The following SH2B3 variants were observed in gnomAD, a reference collection of about 807,000 sequenced individuals.
The protein encoded by SH2B3 is SH2B adaptor protein 3, also known as SH2B adapter protein 3.
Under a neutral mutation model 51.9 loss-of-function variants are expected in SH2B3, and 43 were observed. The observed-to-expected ratio is 0.83, with a 90% CI of 0.65 to 1.07. The LOEUF (loss-of-function observed/expected upper bound fraction) is 1.07, where lower values mean the gene tolerates loss of function less well. Among genes scored for constraint, SH2B3 ranks in the 50% least tolerant of loss-of-function variants. The probability of loss-of-function intolerance (pLI) is 0.00; values close to 1 mark genes in which losing one functional copy is unlikely to be tolerated. For missense variants in SH2B3, 952 were observed against 834.3 expected, an observed-to-expected ratio of 1.14 and a Z score of -1.74; for synonymous variants, 396 against 376.0, an observed-to-expected ratio of 1.05 and a Z score of -0.62.
At position 111,449,875 on chromosome 12, in the gene SH2B3, C is replaced by T. The variant is rs1399940900; in HGVS notation, c.*1573C>T. ...GCTCCAAGAGGTCAAATTTTTGCTT[C>T]TAGAATTTCCTTGGGGTCTTTCAGA... is the stretch of plus-strand genomic sequence containing the variant. On this transcript the variant is annotated 3_prime_UTR_variant, in exon 8 of 8. Coordinates refer to ENST00000341259, the MANE Select transcript of SH2B3 (RefSeq NM_005475.3). 6.6e-6 allele frequency: 1 copy of T among 151,916 alleles called. No individual in the cohort carries two copies. Among genetic ancestry groups the T allele is most frequent in the Non-Finnish European group, 1.5e-5 (1 of 68,006 alleles). 9.4% of individuals were successfully genotyped at this position (151,916 alleles called of 1,614,324 possible).
At chr12:111,431,629 T>A (rs766193918) in intron 2 of SH2B3, among the ~76,000 whole-genome samples, 2 of 152,284 alleles carry the variant, frequency 1.3e-5, no homozygotes, top group Non-Finnish European at 2.9e-5. Context: ...TCCCCCAGAC[T>A]AGAGAGCAGT....
intron 1 of SH2B3, among the ~76,000 whole-genome samples, chr12:111,415,735 C>A (rs1260399583): frequency 6.6e-6 from 1 of 150,804 alleles, no homozygotes; most frequent in Non-Finnish European, 1.5e-5. Context: ...GATTCTCCTG[C>A]CTCACCCTCC....
At chr12:111,411,215 A>C (rs922750382) in intron 1 of SH2B3, among the ~76,000 whole-genome samples, 1 of 151,696 alleles carries the variant, frequency 6.6e-6, no homozygotes, top group Non-Finnish European at 1.5e-5. Context: ...AAAAAAAAAA[A>C]AAAAAACTGG....
rs960073074 is a variant in SH2B3 at position 111,451,289 on chromosome 12, C to G, written c.*2987C>G. 1 of 152,642 alleles carries G rather than the reference C, an allele frequency of 6.6e-6. No homozygotes were observed. The highest frequency in any genetic ancestry group is 2.4e-5 in the African/African-American group (1 of 41,462). 9.5% of individuals were successfully genotyped at this position (152,642 alleles called of 1,614,324 possible). Reference sequence around the variant, plus strand: ...CTTAACCTAAAGTCAAGGCCTTGGACTCTTCCCTGAGGGTTGCCTGAGATT... The same window carrying G: ...CTTAACCTAAAGTCAAGGCCTTGGAGTCTTCCCTGAGGGTTGCCTGAGATT... On this transcript the variant is annotated 3_prime_UTR_variant, in exon 8 of 8. Coordinates refer to ENST00000341259, the MANE Select transcript of SH2B3 (RefSeq NM_005475.3).
rs1233507017 is a variant in SH2B3 at position 111,429,048 on chromosome 12, AGAGGAG to A, written c.732+10188_732+10193del. On this transcript the variant is annotated intron_variant, in intron 2 of 7. Coordinates refer to ENST00000341259, the MANE Select transcript of SH2B3 (RefSeq NM_005475.3). The surrounding 1 kb of genome is among the most constrained non-coding windows in gnomAD (Gnocchi z 4.4). Reference sequence around the variant, plus strand: ...AGGAGGAGGAGGAGGAGGAGGAGGAAGAGGAGGAGGAGGAGGAGGAGGGACGGCAGG... The same window carrying A: ...AGGAGGAGGAGGAGGAGGAGGAGGAAGAGGAGGAGGAGGAGGGACGGCAGG... Among the ~76,000 whole-genome samples the A allele has an allele frequency of 2.3e-4, 29 of 125,198 alleles. No homozygotes were observed. The highest frequency in any genetic ancestry group is 4.9e-4 in the East Asian group (2 of 4,106). 82.1% of individuals were successfully genotyped at this position (125,198 alleles called of 152,430 possible). A position where few individuals can be genotyped will look rare whatever the true frequency, so the allele number is the denominator to read the frequency against.
Position 111,448,059 on chromosome 12 carries a change from G to T in SH2B3, c.1485G>T (p.Glu495Asp). 6.2e-7 allele frequency: 1 copy of T among 1,614,040 alleles called. No individual in the cohort carries two copies. The change falls in exon 8 of 8, where the codon GAG (glutamate) becomes GAT (aspartate). Residue 495 changes from glutamate (E) to aspartate (D), a missense_variant. Physicochemically the swap from Glu to Asp is conservative, Grantham distance 45. Transcript: ENST00000341259. Reference protein sequence around the residue: ...DSESLPHWGSELGLPHLSSSG... With the variant: ...DSESLPHWGSDLGLPHLSSSG... ...AGTCCCTTCCTCACTGGGGTTCAGA[G>T]TTGGGCCTTCCCCACCTTAGTTCTT...
At position 111,435,074 on chromosome 12, in the gene SH2B3, G is replaced by C; in HGVS notation, c.733-11679G>C. 6.8e-7 allele frequency: 1 copy of C among 1,461,248 alleles called. No individual in the cohort carries two copies. The highest frequency in any genetic ancestry group is 9.2e-7 in the Non-Finnish European group (1 of 1,081,122). 90.5% of individuals were successfully genotyped at this position (1,461,248 alleles called of 1,614,324 possible). ...CTGGGGCTTTGGGGATCTTGGTGGT[G>C]ATGAGTCCCCTCTCCTCTGGTGCAC... is the stretch of plus-strand genomic sequence containing the variant. On this transcript the variant is annotated intron_variant, in intron 2 of 7. Transcript: ENST00000341259. This position sits in a 1 kb window ranked among gnomAD's most constrained non-coding sequence, Gnocchi z 4.8.
In SH2B3 at chr12:111,447,491, G is replaced by A. The variant is rs148636776; in HGVS notation, c.1183G>A (p.Glu395Lys). Residue 395 changes from glutamate to lysine, a missense_variant, in exon 6 of 8, where the codon GAG (glutamate) becomes AAG (lysine). Transcript: ENST00000341259. ...TGGAGTGTTCCTGGTGCGGCAGAGCGAGACGCGGCGTGGGGAATACGTGCT... is the reference window on the plus strand; with the variant it reads ...TGGAGTGTTCCTGGTGCGGCAGAGCAAGACGCGGCGTGGGGAATACGTGCT... ...AHGVFLVRQS[E>K]TRRGEYVLTF... 562 of 1,609,668 alleles carry A rather than the reference G, an allele frequency of 3.5e-4. No individual in the cohort carries two copies. Among genetic ancestry groups the A allele is most frequent in the Non-Finnish European group, 4.5e-4 (535 of 1,179,640 alleles).
chr12:111,414,270 G>A (rs1396325887), intron 1 of SH2B3, among the ~76,000 whole-genome samples: 3 of 152,138 alleles, frequency 2.0e-5, no homozygotes, highest in Non-Finnish European at 4.4e-5. Context: ...TACTGTGTGC[G>A]GGTCCCAAGG....
chr12:111,411,787 G>T (rs1373062143), intron 1 of SH2B3, among the ~76,000 whole-genome samples: 1 of 152,170 alleles, frequency 6.6e-6, no homozygotes, highest in Non-Finnish European at 1.5e-5. Context: ...TGTATTTGCT[G>T]CAGGGAGGGA....
intron 2 of SH2B3, among the ~76,000 whole-genome samples, chr12:111,445,862 A>C (rs1167598992): frequency 6.6e-6 from 1 of 152,242 alleles, no homozygotes; most frequent in African/African-American, 2.4e-5. Flanking sequence ...GGTCAATTCA[A>C]CAGCACTAGC....
chr12:111,431,754 G>T (rs542698844), intron 2 of SH2B3, among the ~76,000 whole-genome samples: 1 of 152,204 alleles, frequency 6.6e-6, no homozygotes, highest in South Asian at 2.1e-4. Flanking sequence ...GACATTAGCA[G>T]GACACCATGC....
rs1870286789 is a variant in SH2B3 at position 111,406,821 on chromosome 12, C to G, written c.-28+544C>G. ...CCAGTTCCTGCACTGCCGAGGTCGA[C>G]CGGGCCAGGCCCCCGCATGCTGCTG... On this transcript the variant is annotated intron_variant, in intron 1 of 7. Coordinates refer to ENST00000341259, the MANE Select transcript of SH2B3 (RefSeq NM_005475.3). The surrounding 1 kb of genome is among the most constrained non-coding windows in gnomAD (Gnocchi z 5.7). Among the ~76,000 whole-genome samples the G allele has an allele frequency of 6.6e-6, 1 of 152,208 alleles. No individual in the cohort carries two copies. Among genetic ancestry groups the G allele is most frequent in the African/African-American group, 2.4e-5 (1 of 41,448 alleles).
intron 7 of SH2B3, 75 bp downstream of exon 7, chr12:111,447,902 G>T: frequency 6.4e-7 from 1 of 1,559,012 alleles, no homozygotes; most frequent in South Asian, 1.2e-5. Context: ...GCAGACCCAG[G>T]GGTACAGGTA....
At position 111,435,083 on chromosome 12, in the gene SH2B3, CCT is replaced by C; in HGVS notation, c.733-11666_733-11665del. Reference sequence around the variant, plus strand: ...TGGGGATCTTGGTGGTGATGAGTCCCCTCTCCTCTGGTGCACTCTCCCCACCC... The same window carrying C: ...TGGGGATCTTGGTGGTGATGAGTCCCCTCCTCTGGTGCACTCTCCCCACCC... On this transcript the variant is annotated intron_variant, in intron 2 of 7. Transcript: ENST00000341259. The surrounding 1 kb of genome is among the most constrained non-coding windows in gnomAD (Gnocchi z 4.8). 7.1e-7 allele frequency: 1 copy of C among 1,402,430 alleles called. No homozygotes were observed. The highest frequency in any genetic ancestry group is 1.2e-5 in the South Asian group (1 of 80,986). The allele number at this position is 1,402,430 out of a possible 1,614,324, so 86.9% of individuals were successfully genotyped here.
rs74865268 is a variant in SH2B3 at position 111,447,034 on chromosome 12, G to A, written c.926+1G>A. On this transcript the variant is annotated splice_donor_variant, in intron 4 of 7. Coordinates refer to ENST00000341259, the MANE Select transcript of SH2B3 (RefSeq NM_005475.3). LOFTEE classifies it high-confidence loss of function. ...AGCTCTCGGAGTGCACAGGCCGAGG[G>A]TGAGGTCCTGGGCCCTCGTCCCTGG... 2.5e-6 allele frequency: 4 copies of A among 1,613,010 alleles called. No individual in the cohort carries two copies. The highest frequency in any genetic ancestry group is 2.5e-6 in the Non-Finnish European group (3 of 1,179,000).
rs918127483 is a variant in SH2B3, at chr12:111,405,950, C to A, written c.-355C>A. 6 of 151,598 alleles carry A rather than the reference C, an allele frequency of 4.0e-5. No individual in the cohort carries two copies. Among genetic ancestry groups the A allele is most frequent in the Admixed American group, 3.3e-4 (5 of 15,208 alleles). 9.4% of individuals were successfully genotyped at this position (151,598 alleles called of 1,614,324 possible). On this transcript the variant is annotated 5_prime_UTR_variant, in exon 1 of 8. Coordinates refer to ENST00000341259, the MANE Select transcript of SH2B3 (RefSeq NM_005475.3). The surrounding 1 kb of genome is among the most constrained non-coding windows in gnomAD (Gnocchi z 5.4). The stretch of plus-strand genomic sequence containing the variant: ...ATAACGGCGCGGGGCGGCATGGGCC[C>A]GGGCCACCGCCTCCGCCCGGCTGCC...
chr12:111,445,277 A>T (rs1424451697), intron 2 of SH2B3, among the ~76,000 whole-genome samples: 1 of 152,194 alleles, frequency 6.6e-6, no homozygotes, highest in Admixed American at 6.5e-5. Flanking sequence ...GGCAGGGCCA[A>T]CTGGAAAAGT....
rs1402502593 is a variant in SH2B3, at chr12:111,451,452, C to T, written c.*3150C>T. ...CTGTGTTTGGTTAGAATATACAGCACATTGTGATAACATAAAGTGGATTCA... is the reference window on the plus strand; with the variant it reads ...CTGTGTTTGGTTAGAATATACAGCATATTGTGATAACATAAAGTGGATTCA... On this transcript the variant is annotated 3_prime_UTR_variant, in exon 8 of 8. Coordinates refer to ENST00000341259, the MANE Select transcript of SH2B3 (RefSeq NM_005475.3). 3.3e-5 allele frequency: 5 copies of T among 152,576 alleles called. No homozygotes were observed. Among genetic ancestry groups the T allele is most frequent in the East Asian group, 1.9e-4 (1 of 5,202 alleles). The allele number at this position is 152,576 out of a possible 1,614,324, so 9.5% of individuals were successfully genotyped here.
Sources: gnomAD v4.1 joint callset for allele counts (sites outside exome capture counted in the v4.1 genomes callset) on GRCh38, gnomAD v4.1.1 for gene constraint, Gnocchi (gnomAD v3.1) non-coding constraint, MANE v1.5 for transcripts, NCBI Gene and HGNC (gene_info 2026-07-23, HGNC 2026-07-21) for gene names.